Variants in CCRL2 observed in about 807,000 individuals in gnomAD.
CCRL2 encodes the protein C-C chemokine receptor-like 2.
For missense variants in CCRL2, 451 were observed against 412.4 expected, an observed-to-expected ratio of 1.09 and a Z score of -0.81; for synonymous variants, 181 against 165.6, an observed-to-expected ratio of 1.09 and a Z score of -0.71.
rs757681424 is a variant in CCRL2, at chr3:46,408,462, G to A, written c.383G>A (p.Arg128Lys). The change falls in exon 2 of 2, where the codon AGG becomes AAG. Residue 128 changes from arginine (R) to lysine (K), a missense_variant. Arg to Lys is a conservative substitution (Grantham distance 26, BLOSUM62 2). Transcript: ENST00000399036. ...TFFNCLLTVQ[R>K]YLVFLHKGNF... ...TTCAATTGCCTTCTGACTGTGCAAA[G>A]GTACCTAGTGTTTTTGCACAAGGGA... 6 of 1,614,210 alleles carry A rather than the reference G, an allele frequency of 3.7e-6. No homozygotes were observed. Among genetic ancestry groups the A allele is most frequent in the Non-Finnish European group, 5.1e-6 (6 of 1,180,048 alleles).
chr3:46,408,895 C>T lies in CCRL2; in HGVS notation c.816C>T (p.Cys272=), dbSNP rs1478858939. Residue 272 remains cysteine (C), a synonymous_variant, in exon 2 of 2, where the codon TGC becomes TGT. Coordinates refer to ENST00000399036, the MANE Select transcript of CCRL2 (RefSeq NM_003965.5). ...AAGAACACTTCTCCCTGAGTGACTG[C>T]AAGAGCAGCTACAATCTGGACAAAA... ...TFKEHFSLSD[C]KSSYNLDKSV... is the part of the protein sequence containing the mutation. 1.9e-6 allele frequency: 3 copies of T among 1,614,186 alleles called. No individual in the cohort carries two copies. The highest frequency in any genetic ancestry group is 2.5e-6 in the Non-Finnish European group (3 of 1,180,038).
chr3:46,408,917 A>G lies in CCRL2; in HGVS notation c.838A>G (p.Lys280Glu), dbSNP rs1432455644. 2 of 1,614,222 alleles carry G rather than the reference A, an allele frequency of 1.2e-6. No individual in the cohort carries two copies. Residue 280 changes from lysine (K) to glutamate (E), a missense_variant, in exon 2 of 2, where the codon AAA (lysine) becomes GAA (glutamate). Transcript: ENST00000399036. ...SDCKSSYNLD[K>E]SVHITKLIAT... ...CTGCAAGAGCAGCTACAATCTGGAC[A>G]AAAGTGTTCACATCACTAAACTCAT...
In CCRL2 at chr3:46,407,351, C is replaced by A. The variant is rs1702060726; in HGVS notation, c.-164C>A. On this transcript the variant is annotated 5_prime_UTR_variant, in exon 1 of 2. Transcript: ENST00000399036. ...GCTCGGTGAGTGGGGCGGGTAGAGCCACCAGGGGAATCAACAGTGGTTTCT... is the reference window on the plus strand; with the variant it reads ...GCTCGGTGAGTGGGGCGGGTAGAGCAACCAGGGGAATCAACAGTGGTTTCT... 1 of 354,156 alleles carries A rather than the reference C, an allele frequency of 2.8e-6. No individual in the cohort carries two copies. Among genetic ancestry groups the A allele is most frequent in the South Asian group, 5.2e-5 (1 of 19,316 alleles). The allele number at this position is 354,156 out of a possible 1,614,324, so 21.9% of individuals were successfully genotyped here.
chr3:46,408,769 G>A lies in CCRL2; in HGVS notation c.690G>A (p.Arg230=). 1 of 1,614,174 alleles carries A rather than the reference G, an allele frequency of 6.2e-7. No individual in the cohort carries two copies. The highest frequency in any genetic ancestry group is 1.7e-5 in the Admixed American group (1 of 60,030). Residue 230 remains arginine, a synonymous_variant, in exon 2 of 2, where the codon AGG becomes AGA. Transcript: ENST00000399036. ...YVQMRKTLRF[R]EQRYSLFKLV... ...AAATGAGAAAAACACTAAGGTTCAG[G>A]GAGCAGAGGTATAGCCTTTTCAAGC...
rs556407644 is a variant in CCRL2, at chr3:46,408,405, T to A, written c.326T>A (p.Leu109Gln). 8.7e-6 allele frequency: 14 copies of A among 1,614,240 alleles called. No homozygotes were observed. The East Asian group carries it at 3.1e-4, about 36-fold the overall frequency. The change falls in exon 2 of 2, where the codon CTG (leucine) becomes CAG (glutamine). Residue 109 changes from leucine (L) to glutamine (Q), a missense_variant. Transcript: ENST00000399036. ...CCCATGTGTAAAATTCTCATTGGAC[T>A]GTACTTCGTGGGCCTGTACAGTGAG... ...GDPMCKILIG[L>Q]YFVGLYSETF...
rs1333358356 is a variant in CCRL2 at position 46,408,934 on chromosome 3, T to A, written c.855T>A (p.Thr285=). 1 of 1,614,088 alleles carries A rather than the reference T, an allele frequency of 6.2e-7. No individual in the cohort carries two copies. Among genetic ancestry groups the A allele is most frequent in the African/African-American group, 1.3e-5 (1 of 74,916 alleles). Residue 285 remains threonine (T), a synonymous_variant, in exon 2 of 2, where the codon ACT becomes ACA. Coordinates refer to ENST00000399036, the MANE Select transcript of CCRL2 (RefSeq NM_003965.5). The part of the protein sequence containing the change: ...SYNLDKSVHI[T]KLIATTHCCI... ...ATCTGGACAAAAGTGTTCACATCAC[T>A]AAACTCATCGCCACCACCCACTGCT...
In CCRL2 at chr3:46,408,170, T is replaced by C; in HGVS notation, c.91T>C (p.Tyr31His). 1.2e-6 allele frequency: 2 copies of C among 1,612,164 alleles called. No homozygotes were observed. Among genetic ancestry groups the C allele is most frequent in the Non-Finnish European group, 1.7e-6 (2 of 1,179,028 alleles). Residue 31 changes from tyrosine to histidine, a missense_variant, in exon 2 of 2, where the codon TAT becomes CAT. Coordinates refer to ENST00000399036, the MANE Select transcript of CCRL2 (RefSeq NM_003965.5). ...ESDEAEQCDK[Y>H]DAQALSAQLV... ...CGATGAGGCAGAGCAATGTGACAAG[T>C]ATGACGCCCAGGCACTCTCAGCCCA...
In CCRL2 at chr3:46,409,126, C is replaced by T. The variant is rs760228280; in HGVS notation, c.*12C>T. 6.3e-6 allele frequency: 10 copies of T among 1,578,230 alleles called. No individual in the cohort carries two copies. The highest frequency in any genetic ancestry group is 8.6e-6 in the Non-Finnish European group (10 of 1,157,192). On this transcript the variant is annotated 3_prime_UTR_variant, in exon 2 of 2. Coordinates refer to ENST00000399036, the MANE Select transcript of CCRL2 (RefSeq NM_003965.5). The stretch of plus-strand genomic sequence containing the variant: ...CCACCGAAGTGTAAACTAGCATCCA[C>T]CAAATGCAAGAAGAATAAACATGGA...
chr3:46,407,979 T>G (rs144282963), intron 1 of CCRL2, 89 bp from the exon 2 acceptor site: 48 of 955,876 alleles, frequency 5.0e-5, no homozygotes, highest in Non-Finnish European at 1.5e-6. Flanking sequence ...AAAGGGAAAG[T>G]GGGGCTGTAT....
At chr3:46,407,801 T>C (rs1702069563) in intron 1 of CCRL2, 1 of 949,494 alleles carries the variant, frequency 1.1e-6, no homozygotes. Context: ...ACCAAGGCGG[T>C]GTCATGCCAG....
chr3:46,407,484 G>T lies in CCRL2; in HGVS notation c.-31G>T. 1 of 601,598 alleles carries T rather than the reference G, an allele frequency of 1.7e-6. No individual in the cohort carries two copies. Among genetic ancestry groups the T allele is most frequent in the Non-Finnish European group, 2.9e-6 (1 of 339,522 alleles). 37.3% of individuals were successfully genotyped at this position (601,598 alleles called of 1,614,324 possible). On this transcript the variant is annotated 5_prime_UTR_variant, in exon 1 of 2. Coordinates refer to ENST00000399036, the MANE Select transcript of CCRL2 (RefSeq NM_003965.5). ...GGTCTGGAGGCTGCGCCCTTCCCCTGCAGGAGCTCAGCCCAGTGGTAAGTC... is the reference window on the plus strand; with the variant it reads ...GGTCTGGAGGCTGCGCCCTTCCCCTTCAGGAGCTCAGCCCAGTGGTAAGTC...
Position 46,408,233 on chromosome 3 carries a change from G to C in CCRL2, c.154G>C (p.Gly52Arg). 6.2e-7 allele frequency: 1 copy of C among 1,614,174 alleles called. No individual in the cohort carries two copies. ...PSLCSAVFVI[G>R]VLDNLLVVLI... ...ACTCTGCTCTGCTGTGTTTGTGATC[G>C]GTGTCCTGGACAATCTCCTGGTTGT... Residue 52 changes from glycine to arginine, a missense_variant, in exon 2 of 2, where the codon GGT (glycine) becomes CGT (arginine). Transcript: ENST00000399036.
In CCRL2 at chr3:46,408,331, C is replaced by T. The variant is rs1559579613; in HGVS notation, c.252C>T (p.Asn84=). The T allele has an allele frequency of 2.5e-6, 4 of 1,614,238 alleles. No individual in the cohort carries two copies. Among genetic ancestry groups the T allele is most frequent in the South Asian group, 1.1e-5 (1 of 91,082 alleles). Residue 84 remains asparagine (N), a synonymous_variant, in exon 2 of 2, where the codon AAC becomes AAT. Transcript: ENST00000399036. ...NIYLLNLAVS[N]LCFLLTLPFW... Reference sequence around the variant, plus strand: ...ATCTTCTAAACTTGGCAGTTTCTAACTTGTGTTTCTTGCTTACCCTGCCCT... The same window carrying T: ...ATCTTCTAAACTTGGCAGTTTCTAATTTGTGTTTCTTGCTTACCCTGCCCT...
chr3:46,407,688 C>T (rs528585890), intron 1 of CCRL2, 186 bp downstream of exon 1: 20 of 1,543,638 alleles, frequency 1.3e-5, no homozygotes, highest in Non-Finnish European at 1.7e-5. Context: ...ACACCCGTTT[C>T]TTAAAAGTAA....
intron 1 of CCRL2, chr3:46,407,771 G>C: frequency 8.1e-7 from 1 of 1,229,898 alleles, no homozygotes; most frequent in East Asian, 2.5e-5. Context: ...TCCTGTTTCT[G>C]CTAAAAGAAG....
In CCRL2 at chr3:46,407,655, T is replaced by C. The variant is rs754865498; in HGVS notation, c.-13+153T>C. The C allele has an allele frequency of 6.5e-6, 10 of 1,544,370 alleles. No homozygotes were observed. The South Asian group carries it at 1.1e-4, about 17-fold the overall frequency. On this transcript the variant is annotated intron_variant, in intron 1 of 1. Coordinates refer to ENST00000399036, the MANE Select transcript of CCRL2 (RefSeq NM_003965.5). ...CTGCTTCGGGGGGTGAGCAAACTTT[T>C]TAAAATGCAGAAATTATGATCTACA... is the stretch of plus-strand genomic sequence containing the variant.
At position 46,408,255 on chromosome 3, in the gene CCRL2, T is replaced by G; in HGVS notation, c.176T>G (p.Val59Gly). The G allele has an allele frequency of 6.2e-7, 1 of 1,614,218 alleles. No individual in the cohort carries two copies. Among genetic ancestry groups the G allele is most frequent in the South Asian group, 1.1e-5 (1 of 91,080 alleles). ...FVIGVLDNLL[V>G]VLILVKYKGL... ...ATCGGTGTCCTGGACAATCTCCTGG[T>G]TGTGCTTATCCTGGTAAAATATAAA... The change falls in exon 2 of 2, where the codon GTT becomes GGT. Residue 59 changes from valine (V) to glycine (G), a missense_variant. Physicochemically the swap from Val to Gly is moderately radical, Grantham distance 109. Coordinates refer to ENST00000399036, the MANE Select transcript of CCRL2 (RefSeq NM_003965.5).
chr3:46,408,409 C>G lies in CCRL2; in HGVS notation c.330C>G (p.Tyr110Ter). 1 of 1,614,144 alleles carries G rather than the reference C, an allele frequency of 6.2e-7. No homozygotes were observed. The highest frequency in any genetic ancestry group is 8.5e-7 in the Non-Finnish European group (1 of 1,179,994). ...DPMCKILIGL[Y>*]FVGLYSETFF... is the part of the protein sequence containing the mutation. ...TGTGTAAAATTCTCATTGGACTGTA[C>G]TTCGTGGGCCTGTACAGTGAGACAT... Residue 110 changes from tyrosine (Y) to a stop codon, truncating the protein, a stop_gained, in exon 2 of 2, where the codon TAC becomes TAG. Coordinates refer to ENST00000399036, the MANE Select transcript of CCRL2 (RefSeq NM_003965.5). LOFTEE classifies it low-confidence loss of function (END_TRUNC).
rs770906477 is a variant in CCRL2 at position 46,408,509 on chromosome 3, A to T, written c.430A>T (p.Arg144Trp). Reference sequence around the variant, plus strand: ...GGGAAACTTTTTCTCAGCCAGGAGGAGGGTGCCCTGTGGCATCATTACAAG... The same window carrying T: ...GGGAAACTTTTTCTCAGCCAGGAGGTGGGTGCCCTGTGGCATCATTACAAG... ...HKGNFFSARR[R>W]VPCGIITSVL... The change falls in exon 2 of 2, where the codon AGG (arginine) becomes TGG (tryptophan). Residue 144 changes from arginine (R) to tryptophan (W), a missense_variant. Transcript: ENST00000399036. 9.9e-6 allele frequency: 16 copies of T among 1,614,184 alleles called. 1 individual carries two copies. In the Middle Eastern group the frequency reaches 6.6e-4, roughly 67 times the overall value.
Sources: allele counts gnomAD v4.1 joint callset, GRCh38; gene constraint gnomAD v4.1.1; transcripts MANE v1.5; gene names NCBI Gene and HGNC (gene_info 2026-07-23, HGNC 2026-07-21).